Variants in DLD observed in about 807,000 individuals in gnomAD.
The protein encoded by DLD is dihydrolipoamide dehydrogenase, also known as dihydrolipoyl dehydrogenase, mitochondrial.
DLD carries 36 observed loss-of-function variants against 62.2 expected under a neutral mutation model. The ratio of observed to expected loss-of-function variants is 0.58; its 90% CI spans 0.44 to 0.76. The LOEUF (loss-of-function observed/expected upper bound fraction) is 0.76, where lower values mean the gene tolerates loss of function less well. DLD is among the 30% of genes least tolerant of loss of function. The probability of loss-of-function intolerance (pLI) is 0.00; values close to 1 mark genes in which losing one functional copy is unlikely to be tolerated. For synonymous variants in DLD, 204 were observed against 199.6 expected, an observed-to-expected ratio of 1.02 and a Z score of -0.19; for missense variants, 541 against 608.6, an observed-to-expected ratio of 0.89 and a Z score of 1.17.
chr7:107,903,560 T>G lies in DLD; in HGVS notation c.337+13T>G. ...AGAGGAATTGAAAGTAAGTATACTT[T>G]TCATGCTTAATGATATTACCAGACT... On this transcript the variant is annotated intron_variant, in intron 5 of 13. Transcript: ENST00000205402. The G allele has an allele frequency of 6.6e-7, 1 of 1,520,386 alleles. No homozygotes were observed. The highest frequency in any genetic ancestry group is 9.1e-7 in the Non-Finnish European group (1 of 1,096,396). The allele number at this position is 1,520,386 out of a possible 1,614,324, so 94.2% of individuals were successfully genotyped here. A position where few individuals can be genotyped will look rare whatever the true frequency, so the allele number is the denominator to read the frequency against.
At chr7:107,897,601 C>G (rs1009506929) in intron 2 of DLD, among the ~76,000 whole-genome samples, 1 of 98,612 alleles carries the variant, frequency 1.0e-5, no homozygotes, top group Non-Finnish European at 1.9e-5. Context: ...TTTTTTGAAA[C>G]TTGGTCTCAC....
intron 8 of DLD, among the ~76,000 whole-genome samples, chr7:107,912,166 A>T (rs1403043721): frequency 6.6e-6 from 1 of 151,952 alleles, no homozygotes; most frequent in East Asian, 1.9e-4. Flanking sequence ...ACAGAATTTC[A>T]TTCTTTTTTA....
At chr7:107,917,195 T>G in intron 10 of DLD, 78 bp from the exon 11 acceptor site, 1 of 1,554,238 alleles carries the variant, frequency 6.4e-7, no homozygotes. Context: ...ACTGGAAACT[T>G]TTGTTACCAT....
chr7:107,915,755 A>G, intron 9 of DLD, 59 bp downstream of exon 9: 1 of 1,489,474 alleles, frequency 6.7e-7, no homozygotes, highest in South Asian at 1.2e-5. Flanking sequence ...CAAAACACTC[A>G]AGTTTCAAAA....
At chr7:107,912,184 A>C (rs1410824372) in intron 8 of DLD, among the ~76,000 whole-genome samples, 1 of 152,080 alleles carries the variant, frequency 6.6e-6, no homozygotes, top group Non-Finnish European at 1.5e-5. Flanking sequence ...TTATGGCTGA[A>C]TAATATTCCA....
intron 2 of DLD, among the ~76,000 whole-genome samples, chr7:107,895,598 G>A (rs1056584293): frequency 1.3e-5 from 2 of 152,184 alleles, no homozygotes; most frequent in Admixed American, 6.5e-5. Context: ...CTGGAGTACC[G>A]CAGTGAGCAA....
At chr7:107,891,438 C>T (rs2031570414) in intron 1 of DLD, 149 bp downstream of exon 1, 1 of 870,796 alleles carries the variant, frequency 1.1e-6, no homozygotes, top group African/African-American at 1.7e-5. Flanking sequence ...CTGGCTCAGC[C>T]CGGCCCTGGG....
intron 10 of DLD, 36 bp downstream of exon 10, chr7:107,917,000 T>A (rs778131953): frequency 7.5e-6 from 12 of 1,599,742 alleles, no homozygotes; most frequent in Non-Finnish European, 2.6e-6. Flanking sequence ...TCAGTAATTT[T>A]AAAATTGATT....
intron 1 of DLD, among the ~76,000 whole-genome samples, chr7:107,892,530 G>A (rs17154576): frequency 0.076 from 8,887 of 116,596 alleles, 865 homozygotes; most frequent in African/African-American, 0.27. Context: ...AACTTTCAGA[G>A]CTTTATTTAT....
In DLD at chr7:107,915,353, A is replaced by G. The variant is rs74333086; in HGVS notation, c.685-153A>G. 9.1e-3 allele frequency among the ~76,000 whole-genome samples: 1,393 copies of G among 152,374 alleles called. 18 individuals are homozygous for G. Among genetic ancestry groups the G allele is most frequent in the African/African-American group, 0.032 (1,319 of 41,588 alleles). ...TTAATAAATGTATGAAGTTATACAT[A>G]TTTAACACAGGGTCAATTTTAAACC... On this transcript the variant is annotated intron_variant, in intron 8 of 13. Coordinates refer to ENST00000205402, the MANE Select transcript of DLD (RefSeq NM_000108.5).
intron 1 of DLD, among the ~76,000 whole-genome samples, chr7:107,892,127 C>T (rs917264594): frequency 2.6e-5 from 4 of 152,116 alleles, no homozygotes; most frequent in African/African-American, 9.7e-5. Context: ...GTTTGCTGTC[C>T]TGACCTCAAA....
At chr7:107,901,158 A>G (rs986744577) in intron 2 of DLD, among the ~76,000 whole-genome samples, 4 of 152,176 alleles carry the variant, frequency 2.6e-5, no homozygotes, top group African/African-American at 9.6e-5. Context: ...TTTTTCCCTC[A>G]TATTTCAGAA....
chr7:107,898,799 C>G (rs886154848), intron 2 of DLD, among the ~76,000 whole-genome samples: 1 of 151,362 alleles, frequency 6.6e-6, no homozygotes, highest in Non-Finnish European at 1.5e-5. Flanking sequence ...TGGTCTTGAT[C>G]TCCTGACCTC....
intron 2 of DLD, among the ~76,000 whole-genome samples, chr7:107,899,564 A>G (rs535267974): frequency 7.9e-5 from 12 of 152,196 alleles, no homozygotes; most frequent in African/African-American, 1.9e-4. Flanking sequence ...TATATGCTCA[A>G]AAATACATAT....
intron 8 of DLD, among the ~76,000 whole-genome samples, chr7:107,911,078 G>C (rs2032128591): frequency 6.6e-6 from 1 of 152,096 alleles, no homozygotes; most frequent in East Asian, 1.9e-4. Flanking sequence ...TTGTAGAGCT[G>C]TTACCATTGT....
intron 2 of DLD, among the ~76,000 whole-genome samples, chr7:107,894,570 C>T (rs747767186): frequency 2.6e-5 from 4 of 152,146 alleles, no homozygotes; most frequent in Admixed American, 2.6e-4. Context: ...AAATAGGAAT[C>T]TCATTCTTCT....
At chr7:107,902,515 C>A in intron 4 of DLD, 122 bp downstream of exon 4, 1 of 853,218 alleles carries the variant, frequency 1.2e-6, no homozygotes, top group Non-Finnish European at 2.0e-6. Flanking sequence ...TGGCACATTT[C>A]ACACAGAGAA....
chr7:107,917,894 AC>A (rs1414656269), intron 11 of DLD, 29 bp from the exon 12 acceptor site: 3 of 1,613,700 alleles, frequency 1.9e-6, no homozygotes, highest in Non-Finnish European at 2.5e-6. Flanking sequence ...TCTGGCAGTT[AC>A]GTAGATTCTT....
chr7:107,901,936 T>C, intron 3 of DLD, 119 bp downstream of exon 3: 1 of 815,322 alleles, frequency 1.2e-6, no homozygotes, highest in South Asian at 1.4e-5. Context: ...TATAAATTAC[T>C]TGTAAGCCTG....
Sources: allele counts gnomAD v4.1 joint callset (sites outside exome capture counted in the v4.1 genomes callset), GRCh38; gene constraint gnomAD v4.1.1; transcripts MANE v1.5; gene names NCBI Gene and HGNC (gene_info 2026-07-23, HGNC 2026-07-21).